Variants in ADCY2 observed in about 807,000 individuals in gnomAD.
ADCY2 encodes adenylate cyclase 2, also known as adenylate cyclase type 2.
Under a neutral mutation model 125.2 loss-of-function variants are expected in ADCY2, and 31 were observed. The ratio of observed to expected loss-of-function variants is 0.25; its 90% CI spans 0.19 to 0.33. The LOEUF (loss-of-function observed/expected upper bound fraction) is 0.33. Ranked by LOEUF, ADCY2 falls within the 10% of genes least tolerant of loss-of-function variation. The pLI is 1.00. For missense variants in ADCY2, 904 were observed against 1,418.2 expected, an observed-to-expected ratio of 0.64 and a Z score of 5.82; for synonymous variants, 512 against 548.4, an observed-to-expected ratio of 0.93 and a Z score of 0.93.
chr5:7,740,859 A>G (rs948124911), intron 14 of ADCY2, among the ~76,000 whole-genome samples: 1 of 152,138 alleles, frequency 6.6e-6, no homozygotes, highest in Non-Finnish European at 1.5e-5. Flanking sequence ...TAGAAAATAC[A>G]AAATATTTTC....
At chr5:7,597,524 C>T (rs1488244837) in intron 3 of ADCY2, among the ~76,000 whole-genome samples, 1 of 152,190 alleles carries the variant, frequency 6.6e-6, no homozygotes, top group East Asian at 1.9e-4. Flanking sequence ...CCTGTAATCC[C>T]AGAACTTTGG....
intron 4 of ADCY2, chr5:7,654,260 G>A (rs1209792119): frequency 2.4e-6 from 1 of 421,818 alleles, no homozygotes; most frequent in Middle Eastern, 8.0e-4. Flanking sequence ...AGAAGGCAAT[G>A]GCCTGTGTCC....
intron 19 of ADCY2, among the ~76,000 whole-genome samples, chr5:7,786,660 G>A (rs1266576712): frequency 6.6e-6 from 1 of 152,158 alleles, no homozygotes. Flanking sequence ...ACCAACTCAG[G>A]AGTCTCTTTT....
At chr5:7,683,238 T>C (rs1373576377) in intron 4 of ADCY2, among the ~76,000 whole-genome samples, 1 of 152,200 alleles carries the variant, frequency 6.6e-6, no homozygotes, top group African/African-American at 2.4e-5. Flanking sequence ...TCCAGAGCTT[T>C]TACCCTGAAG....
intron 4 of ADCY2, among the ~76,000 whole-genome samples, chr5:7,633,810 A>T (rs1463356707): frequency 6.6e-6 from 1 of 152,198 alleles, no homozygotes; most frequent in Non-Finnish European, 1.5e-5. Flanking sequence ...TGTTTCTGAG[A>T]GCCCTAGAAT....
rs368732796 is a variant in ADCY2 at position 7,757,143 on chromosome 5, A to G, written c.1957-306A>G. ...ACACATCCCCCAGGGTGATTTAATT[A>G]ACTGACATTTTTCCTTTGAGAAAGG... On this transcript the variant is annotated intron_variant, in intron 15 of 24. Coordinates refer to ENST00000338316, the MANE Select transcript of ADCY2 (RefSeq NM_020546.3). 2.0e-5 allele frequency among the ~76,000 whole-genome samples: 3 copies of G among 152,216 alleles called. No individual in the cohort carries two copies. In the East Asian group the frequency reaches 5.8e-4, roughly 29 times the overall value.
At chr5:7,544,330 T>C (rs1033803644) in intron 3 of ADCY2, among the ~76,000 whole-genome samples, 3 of 152,326 alleles carry the variant, frequency 2.0e-5, no homozygotes, top group South Asian at 2.1e-4. Context: ...GCCAGTTTCA[T>C]TGGGGTAAAG....
chr5:7,466,191 A>G (rs1742108738), intron 2 of ADCY2, among the ~76,000 whole-genome samples: 1 of 152,208 alleles, frequency 6.6e-6, no homozygotes. Flanking sequence ...TATTAACTTC[A>G]GCCATATCTT....
chr5:7,733,677 A>G (rs1299797855), intron 14 of ADCY2, among the ~76,000 whole-genome samples: 1 of 152,114 alleles, frequency 6.6e-6, no homozygotes, highest in Non-Finnish European at 1.5e-5. Flanking sequence ...CAGTCTGAAA[A>G]ACCCACACCT....
intron 19 of ADCY2, among the ~76,000 whole-genome samples, chr5:7,785,837 G>A (rs141054079): frequency 3.3e-4 from 50 of 152,222 alleles, no homozygotes; most frequent in African/African-American, 1.2e-3. Context: ...TAAGAAACTC[G>A]TATCAAATTA....
chr5:7,781,658 A>G (rs1327423187), intron 18 of ADCY2, among the ~76,000 whole-genome samples: 2 of 152,206 alleles, frequency 1.3e-5, no homozygotes, highest in African/African-American at 2.4e-5. Context: ...CACTGAGATG[A>G]TACATTTGTG....
At chr5:7,755,411 A>T (rs1742962324) in intron 15 of ADCY2, among the ~76,000 whole-genome samples, 1 of 151,440 alleles carries the variant, frequency 6.6e-6, no homozygotes, top group Admixed American at 6.6e-5. Flanking sequence ...AGGAAGAAAA[A>T]AAAAAACATG....
chr5:7,414,925 A>G (rs569765374), intron 2 of ADCY2, among the ~76,000 whole-genome samples, 155 bp downstream of exon 2: 2 of 152,302 alleles, frequency 1.3e-5, no homozygotes, highest in East Asian at 3.9e-4. Flanking sequence ...TTTATTTTTA[A>G]TCAACAAATT....
chr5:7,738,694 G>A (rs940572225), intron 14 of ADCY2, among the ~76,000 whole-genome samples: 3 of 151,942 alleles, frequency 2.0e-5, no homozygotes, highest in African/African-American at 7.2e-5. Context: ...AAACGTATCT[G>A]ATGTAAACAA....
At position 7,606,537 on chromosome 5, in the gene ADCY2, A is replaced by G. The variant is rs541886725; in HGVS notation, c.571-19630A>G. Among the ~76,000 whole-genome samples, 9 of 152,370 alleles carry G rather than the reference A, an allele frequency of 5.9e-5. No individual in the cohort carries two copies. In the South Asian group the frequency reaches 1.7e-3, roughly 28 times the overall value. On this transcript the variant is annotated intron_variant, in intron 3 of 24. Coordinates refer to ENST00000338316, the MANE Select transcript of ADCY2 (RefSeq NM_020546.3). ...TTAAATCTAAATTTGGTCCATGATC[A>G]TTTAAATGCAACATTTATTATTACT...
chr5:7,675,828 T>A (rs1383633764), intron 4 of ADCY2, among the ~76,000 whole-genome samples: 2 of 152,210 alleles, frequency 1.3e-5, no homozygotes, highest in Non-Finnish European at 2.9e-5. Context: ...AGGCTTGAAG[T>A]TCTTTTAGCA....
chr5:7,545,015 G>T (rs1735106531), intron 3 of ADCY2, among the ~76,000 whole-genome samples: 1 of 152,162 alleles, frequency 6.6e-6, no homozygotes, highest in Admixed American at 6.5e-5. Context: ...GCAAGGAAGA[G>T]GTCTGCAGAG....
intron 2 of ADCY2, among the ~76,000 whole-genome samples, chr5:7,419,704 C>G (rs367861706): frequency 6.6e-6 from 1 of 152,168 alleles, no homozygotes; most frequent in South Asian, 2.1e-4. Flanking sequence ...GCAGGACATT[C>G]CAAGGGCCTA....
At chr5:7,572,944 A>G (rs973504051) in intron 3 of ADCY2, among the ~76,000 whole-genome samples, 3 of 152,130 alleles carry the variant, frequency 2.0e-5, no homozygotes, top group Admixed American at 6.6e-5. Context: ...TCTTTACAGA[A>G]GTAATTAAGG....
Sources: gnomAD v4.1 joint callset for allele counts (sites outside exome capture counted in the v4.1 genomes callset) on GRCh38, gnomAD v4.1.1 for gene constraint, MANE v1.5 for transcripts, NCBI Gene and HGNC (gene_info 2026-07-23, HGNC 2026-07-21) for gene names.